The following OASL variants were observed in gnomAD, a reference collection of about 807,000 sequenced individuals.
OASL encodes 2'-5'-oligoadenylate synthetase like.
Under a neutral mutation model 35.3 loss-of-function variants are expected in OASL, and 28 were observed. The ratio of observed to expected loss-of-function variants is 0.79; its 90% CI spans 0.59 to 1.09. OASL has a LOEUF of 1.09. Among genes scored for constraint, OASL ranks in the 50% least tolerant of loss-of-function variants. OASL has a pLI of 0.00. For synonymous variants in OASL, 252 were observed against 254.6 expected, an observed-to-expected ratio of 0.99 and a Z score of 0.10; for missense variants, 620 against 635.2, an observed-to-expected ratio of 0.98 and a Z score of 0.26.
In OASL at chr12:121,032,311, T is replaced by C. The variant is rs555394363; in HGVS notation, c.482-694A>G. On this transcript the variant is annotated intron_variant, in intron 2 of 5. Coordinates refer to ENST00000257570, the Ensembl canonical transcript of OASL. ...AAAATCAGATCCTGTCTCTTATACC[T>C]TCTCCAAAGAGCAACTCCACGCAGC... 3.3e-5 allele frequency among the ~76,000 whole-genome samples: 5 copies of C among 152,276 alleles called. 1 individual carries two copies. Among genetic ancestry groups the C allele is most frequent in the African/African-American group, 1.2e-4 (5 of 41,560 alleles).
intron 1 of OASL, among the ~76,000 whole-genome samples, chr12:121,037,289 C>T (rs776793844): frequency 6.6e-6 from 1 of 152,082 alleles, no homozygotes; most frequent in Admixed American, 6.6e-5. Flanking sequence ...GTCTGATTCT[C>T]CAAAGTCTTT....
chr12:121,033,380 G>T, intron 2 of OASL, 81 bp downstream of exon 2: 1 of 1,401,246 alleles, frequency 7.1e-7, no homozygotes, highest in Non-Finnish European at 9.9e-7. Context: ...GTGTGCACGT[G>T]GCCATGAGTA....
intron 4 of OASL, among the ~76,000 whole-genome samples, chr12:121,024,910 G>A (rs994082926): frequency 5.3e-5 from 8 of 151,698 alleles, no homozygotes; most frequent in Admixed American, 5.3e-4. Context: ...ATAAGGTAGG[G>A]ACTGTTATTT....
chr12:121,024,628 A>T (rs76758343), intron 4 of OASL, among the ~76,000 whole-genome samples: 3 of 151,968 alleles, frequency 2.0e-5, no homozygotes, highest in African/African-American at 7.3e-5. Flanking sequence ...AAAAAAAAAA[A>T]TTCTTCTTCT....
At position 121,031,629 on chromosome 12, in the gene OASL, A is replaced by T; in HGVS notation, c.482-12T>A. The stretch of plus-strand genomic sequence containing the variant: ...GGGAAGAGAAGGCCCTGAGGAGTGA[A>T]GGAGCAAAGGAAGAGATTGGGGATT... On this transcript the variant is annotated splice_polypyrimidine_tract_variant and intron_variant, in intron 2 of 5. Coordinates refer to ENST00000257570, the Ensembl canonical transcript of OASL. 6.2e-7 allele frequency: 1 copy of T among 1,606,860 alleles called. No homozygotes were observed. Among genetic ancestry groups the T allele is most frequent in the Non-Finnish European group, 8.5e-7 (1 of 1,174,264 alleles).
chr12:121,018,942 T>A (rs1336784422), downstream of OASL, among the ~76,000 whole-genome samples: 1 of 149,852 alleles, frequency 6.7e-6, no homozygotes, highest in Non-Finnish European at 1.5e-5. Flanking sequence ...GAAGACTTAG[T>A]GAGAAGCTGC....
intron 5 of OASL, among the ~76,000 whole-genome samples, chr12:121,023,138 A>G (rs1477091197): frequency 6.6e-6 from 1 of 152,002 alleles, no homozygotes; most frequent in Non-Finnish European, 1.5e-5. Flanking sequence ...TAATAATATG[A>G]CTTAGTATTT....
At chr12:121,017,886 T>G (rs1869074530), downstream of OASL, among the ~76,000 whole-genome samples, 2 of 152,234 alleles carry the variant, frequency 1.3e-5, no homozygotes, top group African/African-American at 4.8e-5. Context: ...CCACATAAGC[T>G]TCTTTAAAAC....
intron 1 of OASL, among the ~76,000 whole-genome samples, chr12:121,035,203 A>G (rs1869904363): frequency 6.6e-6 from 1 of 152,072 alleles, no homozygotes; most frequent in African/African-American, 2.4e-5. Context: ...GGCACCCATA[A>G]GAGCCCTGTA....
intron 1 of OASL, among the ~76,000 whole-genome samples, chr12:121,036,284 C>T (rs567450426): frequency 3.3e-5 from 5 of 152,274 alleles, no homozygotes; most frequent in South Asian, 2.1e-4. Flanking sequence ...CATTTGAAGA[C>T]GAGCATTCCC....
At chr12:121,021,896 G>C (rs756999764) in intron 5 of OASL, among the ~76,000 whole-genome samples, 2 of 152,116 alleles carry the variant, frequency 1.3e-5, no homozygotes, top group Admixed American at 6.6e-5. Flanking sequence ...AAAAATATTT[G>C]CACAATGTTG....
intron 4 of OASL, 46 bp downstream of exon 4, chr12:121,027,530 T>TAAGTGTAA: frequency 6.2e-7 from 1 of 1,608,904 alleles, no homozygotes; most frequent in Non-Finnish European, 8.5e-7. Flanking sequence ...CTAGCCCGTC[T>TAAGTGTAA]CTCTTTTTTT....
chr12:121,026,794 A>G (rs1869504856), intron 4 of OASL, among the ~76,000 whole-genome samples: 1 of 151,952 alleles, frequency 6.6e-6, no homozygotes, highest in African/African-American at 2.4e-5. Flanking sequence ...AGAGGTTGCA[A>G]TGAGTGGAGA....
chr12:121,027,299 A>C (rs1470546828), intron 4 of OASL, among the ~76,000 whole-genome samples: 2 of 77,944 alleles, frequency 2.6e-5, no homozygotes, highest in Non-Finnish European at 6.8e-5. Context: ...GCTCCTACAA[A>C]GCACTGAAAT....
chr12:121,038,679 G>T, intron 1 of OASL, 95 bp downstream of exon 1: 1 of 1,195,716 alleles, frequency 8.4e-7, no homozygotes, highest in Non-Finnish European at 1.2e-6. Flanking sequence ...GCATGGGCTA[G>T]GGATAAGGAG....
chr12:121,020,785 G>C, exon 6 of OASL: 1 of 1,614,094 alleles, frequency 6.2e-7, no homozygotes, highest in Non-Finnish European at 8.5e-7. Flanking sequence ...CCACCATCAG[G>C]ATTCTTCACG....
chr12:121,024,077 G>A (rs1448677603), exon 5 of OASL: 20 of 1,614,146 alleles, frequency 1.2e-5, no homozygotes, highest in Non-Finnish European at 1.4e-5. Flanking sequence ...GAGCAACGAT[G>A]TCCCATCTGT....
chr12:121,034,917 C>T (rs752876664), intron 1 of OASL, among the ~76,000 whole-genome samples: 3 of 151,976 alleles, frequency 2.0e-5, no homozygotes, highest in African/African-American at 4.8e-5. Flanking sequence ...GGAAGGAGGT[C>T]GAGAAGGGAT....
chr12:121,019,473 C>T (rs577357827), exon 6 of OASL: 1 of 152,282 alleles, frequency 6.6e-6, no homozygotes, highest in East Asian at 1.9e-4. Context: ...TACTTTCCTA[C>T]AGTTTCCTGA....
Sources: allele counts gnomAD v4.1 joint callset (sites outside exome capture counted in the v4.1 genomes callset), GRCh38; gene constraint gnomAD v4.1.1; transcripts MANE v1.5; gene names NCBI Gene and HGNC (gene_info 2026-07-23, HGNC 2026-07-21).